TRAK1: variants seen among roughly 807,000 people sequenced by gnomAD.
TRAK1 encodes trafficking kinesin-binding protein 1.
In TRAK1, 33 loss-of-function variants were observed where a neutral mutation model predicts 92.1. The observed-to-expected ratio is 0.36, with a 90% CI of 0.27 to 0.48. The LOEUF is 0.48. Among genes scored for constraint, TRAK1 ranks in the 20% least tolerant of loss-of-function variants. The pLI is 0.99. For synonymous variants in TRAK1, 521 were observed against 517.3 expected, an observed-to-expected ratio of 1.01 and a Z score of -0.10; for missense variants, 1,123 against 1,257.9, an observed-to-expected ratio of 0.89 and a Z score of 1.62.
intron 2 of TRAK1, among the ~76,000 whole-genome samples, chr3:42,159,001 A>AATAATAATT (rs1347293655): frequency 1.3e-4 from 18 of 141,560 alleles, no homozygotes; most frequent in African/African-American, 4.3e-4. Context: ...TAATAATAAT[A>AATAATAATT]ATTAGAGGAT....
At position 42,091,506 on chromosome 3, in the gene TRAK1, G is replaced by T; in HGVS notation, c.37G>T (p.Ala13Ser). 1 of 1,613,588 alleles carries T rather than the reference G, an allele frequency of 6.2e-7. No individual in the cohort carries two copies. The highest frequency in any genetic ancestry group is 8.5e-7 in the Non-Finnish European group (1 of 1,179,862). ...TTTTCAATTCGGGCAGCCCGTCAGG[G>T]CTCAGCCTCTGCCAGGACTCTGCCA... The part of the protein sequence containing the change: ...LVFQFGQPVR[A>S]QPLPGLCHGK... Residue 13 changes from alanine (A) to serine (S), a missense_variant, in exon 1 of 16, where the codon GCT (alanine) becomes TCT (serine). Ala to Ser is a moderately conservative substitution (Grantham distance 99). Transcript: ENST00000327628.
intron 1 of TRAK1, among the ~76,000 whole-genome samples, chr3:42,070,902 G>T (rs951560358): frequency 2.6e-5 from 4 of 152,172 alleles, no homozygotes; most frequent in Admixed American, 2.0e-4. Flanking sequence ...TGTTTGCCAG[G>T]AGCTATTGTA....
At chr3:42,108,302 C>A (rs1707865824) in intron 1 of TRAK1, among the ~76,000 whole-genome samples, 1 of 151,970 alleles carries the variant, frequency 6.6e-6, no homozygotes, top group East Asian at 1.9e-4. Flanking sequence ...CCAGCCTGGG[C>A]AACATGGGGA....
intron 2 of TRAK1, among the ~76,000 whole-genome samples, chr3:42,170,378 C>G (rs557919668): frequency 6.6e-6 from 1 of 152,192 alleles, no homozygotes; most frequent in Non-Finnish European, 1.5e-5. Flanking sequence ...TCCCCTGCCC[C>G]TGTGAACAGT....
At chr3:42,067,104 T>G (rs1235817499) in intron 1 of TRAK1, among the ~76,000 whole-genome samples, 1 of 152,238 alleles carries the variant, frequency 6.6e-6, no homozygotes. Context: ...TAGTGCTTCG[T>G]AGAGAATTTC....
At chr3:42,132,070 A>T (rs954270317) in intron 2 of TRAK1, among the ~76,000 whole-genome samples, 2 of 152,102 alleles carry the variant, frequency 1.3e-5, no homozygotes, top group African/African-American at 4.8e-5. Context: ...CTCTGCCTCA[A>T]AAAAAGAAAA....
chr3:42,128,856 G>A (rs35190334), intron 2 of TRAK1, among the ~76,000 whole-genome samples: 57,681 of 151,212 alleles, frequency 0.38, 11,184 homozygotes, highest in East Asian at 0.45. Context: ...GAGCTGTTTT[G>A]TTATAGGTGA....
intron 1 of TRAK1, among the ~76,000 whole-genome samples, chr3:42,042,394 C>G (rs1227830641): frequency 6.6e-6 from 1 of 151,972 alleles, no homozygotes; most frequent in Non-Finnish European, 1.5e-5. Context: ...TGTCTTGAGA[C>G]AGGGTCTCAC....
At chr3:42,124,474 A>G (rs1710303225) in intron 1 of TRAK1, among the ~76,000 whole-genome samples, 1 of 152,246 alleles carries the variant, frequency 6.6e-6, no homozygotes, top group African/African-American at 2.4e-5. Flanking sequence ...GAAGTAGGGT[A>G]CATATCCTGG....
chr3:42,124,292 A>G lies in TRAK1; in HGVS notation c.92-1128A>G, dbSNP rs115101972. On this transcript the variant is annotated intron_variant, in intron 1 of 15. Coordinates refer to ENST00000327628, the MANE Select transcript of TRAK1 (RefSeq NM_001042646.3). ...GCACTTGGTTTATTTATGGGTTGAC[A>G]AAACCACTGCTGTTCCCATGGGCTG... Among the ~76,000 whole-genome samples, 712 of 152,354 alleles carry G rather than the reference A, an allele frequency of 4.7e-3. 6 individuals carry two copies. The highest frequency in any genetic ancestry group is 0.016 in the African/African-American group (675 of 41,588).
Position 42,183,553 on chromosome 3 carries a change from T to TAAAAAAAAAA in TRAK1, c.364-1123_364-1114dup, listed in dbSNP as rs11293523. Among the ~76,000 whole-genome samples the TAAAAAAAAAA allele has an allele frequency of 3.9e-3, 459 of 117,236 alleles. 1 individual carries two copies. The highest frequency in any genetic ancestry group is 0.014 in the African/African-American group (433 of 31,296). 76.9% of individuals were successfully genotyped at this position (117,236 alleles called of 152,430 possible). A position where few individuals can be genotyped will look rare whatever the true frequency, so the allele number is the denominator to read the frequency against. On this transcript the variant is annotated intron_variant, in intron 3 of 15. Transcript: ENST00000327628. ...CTGGGTGACAGAGTGAGACTCTGTC[T>TAAAAAAAAAA]AAAAAAAAAAAAAAAAAAGAAAGAA...
At chr3:42,219,364 C>T in intron 14 of TRAK1, 130 bp from the exon 15 acceptor site, 1 of 1,562,604 alleles carries the variant, frequency 6.4e-7, no homozygotes, top group Middle Eastern at 1.7e-4. Context: ...TGCGTTTCAC[C>T]TTCCTCGCCC....
In TRAK1 at chr3:42,202,878, C is replaced by T. The variant is rs755202819; in HGVS notation, c.1744+126C>T. The T allele has an allele frequency of 4.4e-5, 65 of 1,467,062 alleles. No homozygotes were observed. Among genetic ancestry groups the T allele is most frequent in the African/African-American group, 7.0e-5 (5 of 71,248 alleles). 90.9% of individuals were successfully genotyped at this position (1,467,062 alleles called of 1,614,324 possible). A position where few individuals can be genotyped will look rare whatever the true frequency, so the allele number is the denominator to read the frequency against. On this transcript the variant is annotated intron_variant, in intron 13 of 15. Coordinates refer to ENST00000327628, the MANE Select transcript of TRAK1 (RefSeq NM_001042646.3). This position sits in a 1 kb window ranked among gnomAD's most constrained non-coding sequence, Gnocchi z 6.1. ...CTTTTTCTTCCGCGACAGCCACCCG[C>T]GCTGCTGGTTTGAGTTCCTCTGAGG...
At chr3:42,092,703 G>GTT (rs1705241899) in intron 1 of TRAK1, among the ~76,000 whole-genome samples, 1 of 132,708 alleles carries the variant, frequency 7.5e-6, no homozygotes, top group African/African-American at 2.6e-5. Flanking sequence ...GTTGTGTTGT[G>GTT]TTGTGTTGTG....
chr3:42,103,002 A>T (rs1707020652), intron 1 of TRAK1, among the ~76,000 whole-genome samples: 1 of 152,138 alleles, frequency 6.6e-6, no homozygotes, highest in Admixed American at 6.5e-5. Context: ...ATCCATATAA[A>T]GTGTATAATT....
At chr3:42,057,982 G>A (rs1031339849) in intron 1 of TRAK1, among the ~76,000 whole-genome samples, 6 of 152,204 alleles carry the variant, frequency 3.9e-5, no homozygotes, top group African/African-American at 1.2e-4. Context: ...TTGTAAAGCT[G>A]AACTCAAATA....
intron 1 of TRAK1, among the ~76,000 whole-genome samples, chr3:42,044,773 G>A (rs1226622041): frequency 6.6e-6 from 1 of 152,162 alleles, no homozygotes; most frequent in Non-Finnish European, 1.5e-5. Context: ...TCATGGCAAA[G>A]ATCAACCACT....
chr3:42,140,890 AG>A (rs964820054), intron 2 of TRAK1, among the ~76,000 whole-genome samples: 3 of 152,076 alleles, frequency 2.0e-5, no homozygotes, highest in African/African-American at 7.2e-5. Context: ...CAGGTTCCAG[AG>A]GGGGGTTGGG....
chr3:42,081,272 A>T (rs1362986494), intron 1 of TRAK1, among the ~76,000 whole-genome samples: 4 of 152,220 alleles, frequency 2.6e-5, no homozygotes, highest in Non-Finnish European at 5.9e-5. Context: ...TGGTCTGCAT[A>T]CTTGGAACAC....
Sources: gnomAD v4.1 joint callset for allele counts (sites outside exome capture counted in the v4.1 genomes callset) on GRCh38, gnomAD v4.1.1 for gene constraint, Gnocchi (gnomAD v3.1) non-coding constraint, MANE v1.5 for transcripts, NCBI Gene and HGNC (gene_info 2026-07-23, HGNC 2026-07-21) for gene names.